EPHB2: variants seen among roughly 807,000 people sequenced by gnomAD.
EPHB2 encodes EPH receptor B2.
A neutral mutation model predicts 96.4 loss-of-function variants in EPHB2; 18 were observed. The observed-to-expected ratio is 0.19, with a 90% CI of 0.13 to 0.28. The LOEUF (loss-of-function observed/expected upper bound fraction) is 0.28, where lower values mean the gene tolerates loss of function less well. EPHB2 is among the 10% of genes least tolerant of loss of function. The pLI, the probability that EPHB2 is intolerant of heterozygous loss-of-function variation, is 1.00. For synonymous variants in EPHB2, 506 were observed against 534.1 expected, an observed-to-expected ratio of 0.95 and a Z score of 0.72; for missense variants, 989 against 1,355.4, an observed-to-expected ratio of 0.73 and a Z score of 4.25.
intron 3 of EPHB2, among the ~76,000 whole-genome samples, chr1:22,847,221 T>C (rs1645556492): frequency 6.6e-6 from 1 of 152,198 alleles, no homozygotes; most frequent in Non-Finnish European, 1.5e-5. Flanking sequence ...TATTCATTAA[T>C]CGATTTTTCA....
chr1:22,845,757 C>T (rs200065683), intron 3 of EPHB2, among the ~76,000 whole-genome samples: 1 of 152,086 alleles, frequency 6.6e-6, no homozygotes, highest in Non-Finnish European at 1.5e-5. Context: ...ACAGCAGCCC[C>T]AGGCCCTATA....
chr1:22,725,971 C>T (rs1179647284), intron 1 of EPHB2, among the ~76,000 whole-genome samples: 1 of 152,246 alleles, frequency 6.6e-6, no homozygotes, highest in Non-Finnish European at 1.5e-5. Flanking sequence ...GGATAGCACA[C>T]TCCGTCTCCT....
intron 3 of EPHB2, among the ~76,000 whole-genome samples, chr1:22,829,845 C>T (rs1645277838): frequency 6.6e-6 from 1 of 152,072 alleles, no homozygotes; most frequent in Non-Finnish European, 1.5e-5. Context: ...AGTGACAGGA[C>T]AAAAGGCCCA....
chr1:22,905,157 G>C (rs960367928), intron 9 of EPHB2, among the ~76,000 whole-genome samples: 24 of 152,038 alleles, frequency 1.6e-4, no homozygotes, highest in African/African-American at 5.8e-4. Flanking sequence ...TTCAGAATTG[G>C]GTCTTTGACA....
chr1:22,865,269 T>C (rs1638434631), intron 5 of EPHB2, 57 bp downstream of exon 5: 1 of 1,591,616 alleles, frequency 6.3e-7, no homozygotes, highest in Non-Finnish European at 8.6e-7. Context: ...CCAGGGAGGG[T>C]CCTGCAGTCC....
rs760221202 is a variant in EPHB2 at position 22,733,206 on chromosome 1, G to A, written c.61+22163G>A. 5.9e-5 allele frequency among the ~76,000 whole-genome samples: 9 copies of A among 152,196 alleles called. No individual in the cohort carries two copies. The East Asian group carries it at 9.7e-4, about 16-fold the overall frequency. On this transcript the variant is annotated intron_variant, in intron 1 of 15. Coordinates refer to ENST00000374630, the MANE Select transcript of EPHB2 (RefSeq NM_017449.5). The surrounding 1 kb of genome is among the most constrained non-coding windows in gnomAD (Gnocchi z 4.6). ...TGGGATTACAGGTGCCTGCCACCAC[G>A]CCTGGCTGATTTTTGTATTTTTAGT... is the stretch of plus-strand genomic sequence containing the variant.
intron 1 of EPHB2, among the ~76,000 whole-genome samples, chr1:22,769,327 CAG>C (rs1222346485): frequency 1.3e-5 from 2 of 152,216 alleles, no homozygotes; most frequent in Non-Finnish European, 2.9e-5. Context: ...AGGAGCCAGA[CAG>C]GGCTTAGGGT....
intron 3 of EPHB2, among the ~76,000 whole-genome samples, chr1:22,848,376 G>C (rs1645574487): frequency 6.6e-6 from 1 of 152,176 alleles, no homozygotes; most frequent in South Asian, 2.1e-4. Context: ...CTGGAGGCCT[G>C]AGATGGCCTG....
intron 3 of EPHB2, among the ~76,000 whole-genome samples, chr1:22,857,849 G>A (rs761256644): frequency 2.6e-5 from 4 of 152,162 alleles, no homozygotes; most frequent in South Asian, 4.1e-4. Flanking sequence ...CGACCGGCCC[G>A]CGGCTCTGCT....
At chr1:22,721,223 G>C in intron 1 of EPHB2, among the ~76,000 whole-genome samples, 1 of 152,226 alleles carries the variant, frequency 6.6e-6, no homozygotes, top group East Asian at 1.9e-4. Flanking sequence ...ACATGGAAAT[G>C]TGTACAAACA....
intron 3 of EPHB2, among the ~76,000 whole-genome samples, chr1:22,791,072 A>G (rs1293709971): frequency 1.3e-5 from 2 of 152,250 alleles, no homozygotes; most frequent in Non-Finnish European, 2.9e-5. Flanking sequence ...CTCATCTGCA[A>G]AACAGAATAA....
chr1:22,797,714 C>T (rs1424338933), intron 3 of EPHB2, among the ~76,000 whole-genome samples: 1 of 152,156 alleles, frequency 6.6e-6, no homozygotes, highest in Admixed American at 6.5e-5. Flanking sequence ...TAAGACTCCC[C>T]ATCCTGCACA....
intron 6 of EPHB2, among the ~76,000 whole-genome samples, chr1:22,884,619 CAAAAAA>C (rs10599403): frequency 2.3e-5 from 2 of 87,358 alleles, no homozygotes; most frequent in African/African-American, 8.9e-5. Flanking sequence ...GATGCTGTCT[CAAAAAA>C]AAAAAAAAAA....
chr1:22,756,995 T>G (rs1214155849), intron 1 of EPHB2, among the ~76,000 whole-genome samples: 1 of 152,238 alleles, frequency 6.6e-6, no homozygotes, highest in African/African-American at 2.4e-5. Flanking sequence ...ATGTTTAGTT[T>G]GTGACTTCTT....
intron 5 of EPHB2, among the ~76,000 whole-genome samples, chr1:22,881,291 A>G (rs1464690030): frequency 2.0e-5 from 3 of 152,062 alleles, no homozygotes; most frequent in Admixed American, 6.5e-5. Flanking sequence ...CCAGCTACTC[A>G]GGAGACTGAG....
At chr1:22,904,276 GA>G (rs1321318892) in intron 9 of EPHB2, among the ~76,000 whole-genome samples, 3 of 139,106 alleles carry the variant, frequency 2.2e-5, no homozygotes, top group Non-Finnish European at 3.0e-5. Context: ...CTGGGTGACA[GA>G]GCAAGAACCT....
intron 1 of EPHB2, among the ~76,000 whole-genome samples, chr1:22,739,703 T>C (rs1643880668): frequency 1.3e-5 from 2 of 152,106 alleles, no homozygotes; most frequent in African/African-American, 4.8e-5. Flanking sequence ...GTCTGAGCAT[T>C]TCTGGGGTCC....
rs200267846 is a variant in EPHB2 at position 22,728,153 on chromosome 1, A to AT, written c.61+17117dup. ...GAATGTAAACTTCACAAAGGCAGGGATTTTTTTATCTCTTTTGTTTACAAA... is the reference window on the plus strand; with the variant it reads ...GAATGTAAACTTCACAAAGGCAGGGATTTTTTTTATCTCTTTTGTTTACAAA... On this transcript the variant is annotated intron_variant, in intron 1 of 15. Transcript: ENST00000374630. 9.3e-3 allele frequency among the ~76,000 whole-genome samples: 1,411 copies of AT among 152,270 alleles called. 5 individuals are homozygous for AT. The highest frequency in any genetic ancestry group is 0.012 in the Non-Finnish European group (803 of 68,012).
At chr1:22,777,461 G>A (rs930767552) in intron 1 of EPHB2, among the ~76,000 whole-genome samples, 6 of 152,202 alleles carry the variant, frequency 3.9e-5, no homozygotes, top group Admixed American at 2.6e-4. Context: ...GACGGGAGAC[G>A]TCTGGTGTGT....
Sources: allele counts gnomAD v4.1 joint callset (sites outside exome capture counted in the v4.1 genomes callset), GRCh38; gene constraint gnomAD v4.1.1; non-coding constraint Gnocchi (gnomAD v3.1); transcripts MANE v1.5; gene names NCBI Gene and HGNC (gene_info 2026-07-23, HGNC 2026-07-21).